CTNNA3: variants seen among roughly 807,000 people sequenced by gnomAD.
CTNNA3 encodes the protein catenin alpha-3.
In CTNNA3, 76 loss-of-function variants were observed where a neutral mutation model predicts 95.7. The ratio of observed to expected loss-of-function variants is 0.79; its 90% CI spans 0.66 to 0.96. CTNNA3 has a LOEUF of 0.96. CTNNA3 is among the 40% of genes least tolerant of loss of function. The pLI, the probability that CTNNA3 is intolerant of heterozygous loss-of-function variation, is 0.00. For missense variants in CTNNA3, 1,191 were observed against 1,089.8 expected (o/e 1.09, Z -1.31); for synonymous variants, 431 against 374.4 (o/e 1.15, Z -1.74).
Position 67,742,313 on chromosome 10 carries a change from G to A in CTNNA3, c.-2+21121C>T, listed in dbSNP as rs565771532. Among the ~76,000 whole-genome samples the A allele has an allele frequency of 1.0e-3, 153 of 151,098 alleles. 2 individuals are homozygous for A. Among genetic ancestry groups the A allele is most frequent in the East Asian group, 9.7e-3 (50 of 5,176 alleles). ...TATAACAAACTGTCTCTCAGACCAC[G>A]GTGCAATCAAACTAGAACTCAGGAT... On this transcript the variant is annotated intron_variant, in intron 1 of 17. Transcript: ENST00000684154.
chr10:66,570,329 C>T (rs1322428785), intron 10 of CTNNA3, among the ~76,000 whole-genome samples: 1 of 151,098 alleles, frequency 6.6e-6, no homozygotes, highest in Non-Finnish European at 1.5e-5. Context: ...CGCTCTGTCG[C>T]CCAGGCTGGA....
chr10:66,732,745 G>A (rs1589185839), intron 9 of CTNNA3, among the ~76,000 whole-genome samples: 1 of 151,974 alleles, frequency 6.6e-6, no homozygotes, highest in Non-Finnish European at 1.5e-5. Context: ...ATTCAAGATG[G>A]GATTTGGGTG....
chr10:66,428,038 A>G (rs1827834713), intron 11 of CTNNA3, among the ~76,000 whole-genome samples: 1 of 152,180 alleles, frequency 6.6e-6, no homozygotes, highest in Non-Finnish European at 1.5e-5. Flanking sequence ...CATGGGCTCA[A>G]AATAAAAGGA....
intron 10 of CTNNA3, among the ~76,000 whole-genome samples, chr10:66,569,106 A>G (rs1842792998): frequency 6.6e-6 from 1 of 151,842 alleles, no homozygotes; most frequent in Admixed American, 6.6e-5. Context: ...GCCTCTAATC[A>G]CCTCCTAGTG....
chr10:65,971,835 A>C (rs1246408063), intron 16 of CTNNA3, among the ~76,000 whole-genome samples: 1 of 152,102 alleles, frequency 6.6e-6, no homozygotes, highest in African/African-American at 2.4e-5. Context: ...TCCTGATAGG[A>C]AAACCTGGTA....
chr10:66,380,217 A>G (rs954342105), intron 11 of CTNNA3, among the ~76,000 whole-genome samples: 1 of 151,674 alleles, frequency 6.6e-6, no homozygotes, highest in Non-Finnish European at 1.5e-5. Flanking sequence ...CTCTTTCCCA[A>G]TCTGCTTGTG....
intron 11 of CTNNA3, among the ~76,000 whole-genome samples, chr10:66,412,210 G>C (rs2093110809): frequency 6.6e-6 from 1 of 152,058 alleles, no homozygotes; most frequent in Admixed American, 6.6e-5. Context: ...TACATAATCA[G>C]AAAGATAATA....
chr10:65,956,318 G>T (rs2077730947), intron 17 of CTNNA3, among the ~76,000 whole-genome samples: 1 of 151,948 alleles, frequency 6.6e-6, no homozygotes, highest in African/African-American at 2.4e-5. Flanking sequence ...TATCAATTTT[G>T]TTGATCTTTT....
intron 3 of CTNNA3, among the ~76,000 whole-genome samples, chr10:67,566,041 G>GTATACATATATATATATA (rs1388066358): frequency 3.1e-4 from 9 of 29,436 alleles, no homozygotes; most frequent in Admixed American, 2.5e-3. Flanking sequence ...ATATGTGTGT[G>GTATACATATATATATATA]TGTATATATA....
chr10:67,684,118 T>A (rs946757842), intron 1 of CTNNA3, among the ~76,000 whole-genome samples: 3 of 152,212 alleles, frequency 2.0e-5, no homozygotes. Context: ...CACATCCTGC[T>A]GATTGGTCCA....
intron 5 of CTNNA3, among the ~76,000 whole-genome samples, chr10:67,482,801 G>A (rs901906617): frequency 6.6e-6 from 1 of 152,156 alleles, no homozygotes; most frequent in African/African-American, 2.4e-5. Context: ...TAGAAGTGGT[G>A]AGAGAGGGCA....
chr10:66,818,093 C>G (rs201539493), intron 7 of CTNNA3, among the ~76,000 whole-genome samples: 1 of 93,182 alleles, frequency 1.1e-5, no homozygotes, highest in Non-Finnish European at 2.2e-5. Flanking sequence ...TTATTATTAA[C>G]CAAAAAAAAA....
chr10:67,317,303 C>A (rs1357093289), intron 5 of CTNNA3, among the ~76,000 whole-genome samples: 2 of 151,830 alleles, frequency 1.3e-5, no homozygotes, highest in African/African-American at 4.8e-5. Context: ...TACTGGTGTG[C>A]TGCACCCATT....
chr10:66,500,632 C>G (rs920884878), intron 11 of CTNNA3, among the ~76,000 whole-genome samples: 6 of 151,872 alleles, frequency 4.0e-5, no homozygotes, highest in Non-Finnish European at 7.4e-5. Context: ...ACTATCAAGA[C>G]AGTGAATGCA....
chr10:67,280,324 T>C (rs989827651), intron 5 of CTNNA3, among the ~76,000 whole-genome samples: 1 of 150,440 alleles, frequency 6.6e-6, no homozygotes, highest in South Asian at 2.2e-4. Context: ...AAATAGTGTC[T>C]GTCTCTAAAG....
At chr10:66,176,516 T>A (rs1007184533) in intron 13 of CTNNA3, among the ~76,000 whole-genome samples, 15 of 152,116 alleles carry the variant, frequency 9.9e-5, no homozygotes, top group African/African-American at 3.6e-4. Context: ...CTTAAATATA[T>A]GTAAAATTCA....
At chr10:66,059,488 T>C (rs2133565175) in intron 15 of CTNNA3, among the ~76,000 whole-genome samples, 1 of 152,248 alleles carries the variant, frequency 6.6e-6, no homozygotes, top group South Asian at 2.1e-4. Context: ...CCTAGCAACA[T>C]TCTGCATTCC....
At chr10:67,206,974 T>C (rs2132228486) in intron 6 of CTNNA3, among the ~76,000 whole-genome samples, 1 of 151,886 alleles carries the variant, frequency 6.6e-6, no homozygotes, top group African/African-American at 2.4e-5. Context: ...CTACTAAAAA[T>C]ACGAAAATTA....
chr10:66,735,835 C>T (rs78046093), intron 9 of CTNNA3, among the ~76,000 whole-genome samples: 3 of 152,178 alleles, frequency 2.0e-5, no homozygotes, highest in Admixed American at 2.0e-4. Flanking sequence ...CTTGGCTCCA[C>T]TGACCTAGGC....
Sources: allele counts gnomAD v4.1 joint callset (sites outside exome capture counted in the v4.1 genomes callset), GRCh38; gene constraint gnomAD v4.1.1; transcripts MANE v1.5; gene names NCBI Gene and HGNC (gene_info 2026-07-23, HGNC 2026-07-21).